Variants in BTBD8 observed in about 807,000 individuals in gnomAD.
BTBD8 encodes the protein BTB/POZ domain-containing protein 8.
A neutral mutation model predicts 162.9 loss-of-function variants in BTBD8; 110 were observed. The ratio of observed to expected loss-of-function variants is 0.68; its 90% CI spans 0.58 to 0.79. The LOEUF (loss-of-function observed/expected upper bound fraction) is 0.79. Ranked by LOEUF, BTBD8 falls within the 30% of genes least tolerant of loss-of-function variation. The pLI, the probability that BTBD8 is intolerant of heterozygous loss-of-function variation, is 0.00. For synonymous variants in BTBD8, 667 were observed against 716.1 expected (o/e 0.93, Z 1.10); for missense variants, 1,905 against 2,085.4 (o/e 0.91, Z 1.68).
At chr1:92,167,218 C>T in intron 10 of BTBD8, 78 bp downstream of exon 10, 5 of 1,486,346 alleles carry the variant, frequency 3.4e-6, no homozygotes, top group Non-Finnish European at 4.5e-6. Flanking sequence ...CTTTTAAATG[C>T]AGGTTGCTTT....
intron 4 of BTBD8, among the ~76,000 whole-genome samples, chr1:92,116,561 C>A (rs1013275664): frequency 1.3e-5 from 2 of 151,868 alleles, no homozygotes; most frequent in Non-Finnish European, 2.9e-5. Context: ...GAATTGAGTC[C>A]TTTTTATTAT....
chr1:92,173,502 G>A (rs538054), intron 13 of BTBD8, among the ~76,000 whole-genome samples: 4,659 of 152,104 alleles, frequency 0.031, 98 homozygotes, highest in Non-Finnish European at 0.037. Flanking sequence ...CCTATCCCCT[G>A]CTACTCACCA....
intron 17 of BTBD8, among the ~76,000 whole-genome samples, chr1:92,183,028 A>G (rs1650966028): frequency 6.6e-6 from 1 of 152,126 alleles, no homozygotes; most frequent in Admixed American, 6.5e-5. Flanking sequence ...GCACTGAACT[A>G]TTTTAACAAC....
chr1:92,119,893 CTTTTTTTTTT>C (rs58297367), intron 4 of BTBD8, among the ~76,000 whole-genome samples: 4 of 58,408 alleles, frequency 6.8e-5, no homozygotes, highest in African/African-American at 1.3e-4. Context: ...CGGCCCTTTT[CTTTTTTTTTT>C]TTTTTTTTTT....
chr1:92,159,136 C>T (rs545367828), intron 9 of BTBD8, among the ~76,000 whole-genome samples: 2 of 151,572 alleles, frequency 1.3e-5, no homozygotes, highest in Admixed American at 6.6e-5. Flanking sequence ...CATTACTCTT[C>T]GTTTGTTTAC....
At chr1:92,168,455 A>T (rs532884165) in intron 11 of BTBD8, among the ~76,000 whole-genome samples, 2 of 152,178 alleles carry the variant, frequency 1.3e-5, no homozygotes, top group Admixed American at 1.3e-4. Flanking sequence ...ATTTATTTTT[A>T]AATACAATTA....
intron 4 of BTBD8, among the ~76,000 whole-genome samples, chr1:92,123,972 C>T (rs959259276): frequency 8.5e-5 from 13 of 152,138 alleles, no homozygotes; most frequent in South Asian, 2.1e-4. Flanking sequence ...CCTGTTCACT[C>T]TTCTGTTTAG....
At chr1:92,153,057 C>CT (rs1261866866) in intron 9 of BTBD8, among the ~76,000 whole-genome samples, 13 of 151,912 alleles carry the variant, frequency 8.6e-5, no homozygotes, top group Admixed American at 2.6e-4. Flanking sequence ...AGCAAGCAGT[C>CT]TTTTTTTTAG....
intron 9 of BTBD8, among the ~76,000 whole-genome samples, chr1:92,164,536 T>C (rs1650341577): frequency 1.3e-5 from 2 of 151,888 alleles, no homozygotes; most frequent in Non-Finnish European, 2.9e-5. Context: ...CAAAAATTGC[T>C]TGAACTGGGG....
intron 9 of BTBD8, 114 bp downstream of exon 9, chr1:92,147,900 C>A: frequency 1.1e-6 from 1 of 884,906 alleles, no homozygotes. Flanking sequence ...AAGCAAGAGG[C>A]GTGAACCAAT....
At position 92,180,813 on chromosome 1, in the gene BTBD8, T is replaced by A. The variant is rs1167386773; in HGVS notation, c.3130T>A (p.Ser1044Thr). 6.4e-7 allele frequency: 1 copy of A among 1,551,508 alleles called. No individual in the cohort carries two copies. The highest frequency in any genetic ancestry group is 2.0e-5 in the Admixed American group (1 of 50,958). Residue 1044 changes from serine to threonine, a missense_variant, in exon 17 of 18, where the codon TCA becomes ACA. Around this residue, in one of 3 missense-constraint regions of BTBD8, gnomAD observed 1,374 missense variants for 1,442.7 expected, o/e 0.95. Transcript: ENST00000636805. ...TAAATCATTAAAACACGAACTGGAA[T>A]CAAAACAGATTTGTTTAGATAAAAG... is the stretch of plus-strand genomic sequence containing the variant. ...LDKSLKHELESKQICLDKSET... is the reference protein window; with the variant it reads ...LDKSLKHELETKQICLDKSET...
chr1:92,103,265 C>T (rs753149860), intron 3 of BTBD8, among the ~76,000 whole-genome samples: 10 of 152,202 alleles, frequency 6.6e-5, no homozygotes, highest in Non-Finnish European at 1.0e-4. Flanking sequence ...GATCTTATTA[C>T]TGGTGTGTAA....
chr1:92,112,677 A>G (rs1404401879), intron 4 of BTBD8, among the ~76,000 whole-genome samples: 2 of 152,214 alleles, frequency 1.3e-5, no homozygotes, highest in African/African-American at 4.8e-5. Context: ...CAGAAAGTCC[A>G]GTCCTATGAA....
chr1:92,086,906 C>T (rs927465681), intron 1 of BTBD8, among the ~76,000 whole-genome samples: 2 of 152,106 alleles, frequency 1.3e-5, no homozygotes, highest in African/African-American at 4.8e-5. Context: ...ATTACCTATC[C>T]TGTGGTATTC....
intron 1 of BTBD8, 115 bp downstream of exon 1, chr1:92,080,835 C>G (rs1647989977): frequency 6.8e-7 from 1 of 1,467,172 alleles, no homozygotes; most frequent in African/African-American, 1.4e-5. Flanking sequence ...GTTCTCCTCG[C>G]CTCAGGCGAC....
chr1:92,140,834 T>C (rs996593015), intron 6 of BTBD8, among the ~76,000 whole-genome samples: 2 of 152,228 alleles, frequency 1.3e-5, no homozygotes, highest in African/African-American at 2.4e-5. Flanking sequence ...TTTCTTGGAT[T>C]TTGTTCTGTA....
intron 9 of BTBD8, among the ~76,000 whole-genome samples, chr1:92,149,162 G>A (rs939304171): frequency 3.9e-5 from 6 of 152,084 alleles, no homozygotes; most frequent in African/African-American, 1.4e-4. Context: ...TGATATAAAC[G>A]TTCATATTCC....
At chr1:92,089,408 C>T (rs1371793398) in intron 2 of BTBD8, among the ~76,000 whole-genome samples, 1 of 152,102 alleles carries the variant, frequency 6.6e-6, no homozygotes, top group Non-Finnish European at 1.5e-5. Context: ...GCATGTGAAA[C>T]TTTAAAGTAT....
chr1:92,116,680 T>G (rs777483715), intron 4 of BTBD8, among the ~76,000 whole-genome samples: 8 of 152,076 alleles, frequency 5.3e-5, no homozygotes, highest in Non-Finnish European at 1.2e-4. Context: ...ATTCTTTTTA[T>G]ATCCTTTAAC....
Sources: allele counts gnomAD v4.1 joint callset (sites outside exome capture counted in the v4.1 genomes callset), GRCh38; gene constraint gnomAD v4.1.1; regional missense constraint gnomAD v4.1.1; transcripts MANE v1.5; gene names NCBI Gene and HGNC (gene_info 2026-07-23, HGNC 2026-07-21).